The following TSNARE1 variants were observed in gnomAD, a reference collection of about 807,000 sequenced individuals.
The protein encoded by TSNARE1 is t-SNARE domain-containing protein 1.
A neutral mutation model predicts 62.0 loss-of-function variants in TSNARE1; 49 were observed. The ratio of observed to expected loss-of-function variants is 0.79; its 90% CI spans 0.63 to 1.00. TSNARE1 has a LOEUF of 1.00. Among genes scored for constraint, TSNARE1 ranks in the 50% least tolerant of loss-of-function variants. The pLI is 0.00. For synonymous variants in TSNARE1, 328 were observed against 294.4 expected (o/e 1.11, Z -1.17); for missense variants, 755 against 700.1 (o/e 1.08, Z -0.88).
chr8:142,273,290 A>T, intron 12 of TSNARE1: 1 of 985,400 alleles, frequency 1.0e-6, no homozygotes, highest in Non-Finnish European at 1.2e-6. Context: ...AGGAGGGGTC[A>T]TCTTGCTGGC....
intron 10 of TSNARE1, among the ~76,000 whole-genome samples, chr8:142,292,838 C>T (rs545463923): frequency 1.3e-5 from 2 of 152,252 alleles, no homozygotes; most frequent in Admixed American, 6.5e-5. Context: ...CAGACCAACG[C>T]GGGCAGAACA....
intron 12 of TSNARE1, chr8:142,274,295 A>T (rs778649883): frequency 4.1e-6 from 4 of 985,426 alleles, no homozygotes; most frequent in Non-Finnish European, 4.8e-6. Context: ...AGTCAGCAAC[A>T]AGGCCCAGTG....
At chr8:142,283,364 G>T (rs908317740) in intron 11 of TSNARE1, among the ~76,000 whole-genome samples, 7 of 151,140 alleles carry the variant, frequency 4.6e-5, no homozygotes, top group African/African-American at 1.7e-4. Flanking sequence ...GAGCGGAGGT[G>T]GGGCCAGTGT....
intron 1 of TSNARE1, among the ~76,000 whole-genome samples, chr8:142,393,637 G>C (rs1459557442): frequency 6.6e-6 from 1 of 152,206 alleles, no homozygotes; most frequent in East Asian, 1.9e-4. Flanking sequence ...ATTCTCCCTG[G>C]TCTGACTCCC....
At chr8:142,273,175 C>T (rs1819876923) in intron 12 of TSNARE1, 4 of 985,166 alleles carry the variant, frequency 4.1e-6, no homozygotes, top group Admixed American at 6.1e-5. Context: ...CCACTGCCCT[C>T]CTTTCCTCCT....
At chr8:142,344,623 A>G (rs1208491498) in intron 3 of TSNARE1, 151 bp from the exon 4 acceptor site, 1 of 842,742 alleles carries the variant, frequency 1.2e-6, no homozygotes, top group African/African-American at 1.8e-5. Flanking sequence ...CTGGGTGTCC[A>G]GAGACCTGGG....
At chr8:142,241,796 T>A (rs1262060892) in intron 12 of TSNARE1, among the ~76,000 whole-genome samples, 1 of 152,212 alleles carries the variant, frequency 6.6e-6, no homozygotes, top group Non-Finnish European at 1.5e-5. Context: ...AAACCGGGTA[T>A]CTACACACAG....
intron 10 of TSNARE1, among the ~76,000 whole-genome samples, chr8:142,293,766 C>T (rs1165809896): frequency 5.3e-5 from 8 of 152,206 alleles, no homozygotes; most frequent in East Asian, 1.9e-4. Flanking sequence ...GGTGTTCAGA[C>T]GCCACCTGTT....
intron 10 of TSNARE1, among the ~76,000 whole-genome samples, chr8:142,296,989 C>G (rs956214217): frequency 2.0e-5 from 3 of 152,182 alleles, no homozygotes; most frequent in African/African-American, 7.2e-5. Context: ...CCACACGGCC[C>G]GCTACACTCT....
At chr8:142,317,485 CAG>C (rs1318798702) in intron 7 of TSNARE1, among the ~76,000 whole-genome samples, 17 of 152,212 alleles carry the variant, frequency 1.1e-4, no homozygotes, top group African/African-American at 4.1e-4. Flanking sequence ...CAGGTACAGC[CAG>C]AGTCTCACAC....
At chr8:142,275,283 G>A (rs1172513188) in intron 11 of TSNARE1, 143 of 985,324 alleles carry the variant, frequency 1.5e-4, no homozygotes, top group Non-Finnish European at 1.7e-4. Flanking sequence ...GAGTTGCGAC[G>A]CGGCTGATGG....
At chr8:142,223,341 TTCAC>T (rs1201757576) in intron 13 of TSNARE1, among the ~76,000 whole-genome samples, 4 of 118,078 alleles carry the variant, frequency 3.4e-5, no homozygotes, top group Non-Finnish European at 7.2e-5. Context: ...CGTTCACTCA[TTCAC>T]TCATTCACTC....
intron 11 of TSNARE1, among the ~76,000 whole-genome samples, chr8:142,282,825 T>A (rs968519028): frequency 1.5e-5 from 2 of 135,926 alleles, no homozygotes; most frequent in African/African-American, 2.9e-5. Context: ...GACCAGTGTC[T>A]GTCAATGAGT....
chr8:142,346,868 C>T (rs1404145327), intron 2 of TSNARE1, among the ~76,000 whole-genome samples: 5 of 152,234 alleles, frequency 3.3e-5, no homozygotes, highest in African/African-American at 7.2e-5. Flanking sequence ...TCTCAGGATC[C>T]GTCTAGGGGG....
chr8:142,278,535 G>C, intron 11 of TSNARE1: 1 of 985,488 alleles, frequency 1.0e-6, no homozygotes, highest in Non-Finnish European at 1.2e-6. Context: ...CGGCGAAGGA[G>C]CTCCTGGCAC....
chr8:142,343,381 G>A (rs1204576544), intron 4 of TSNARE1, among the ~76,000 whole-genome samples: 2 of 151,816 alleles, frequency 1.3e-5, no homozygotes, highest in African/African-American at 4.8e-5. Context: ...GCAGCAGGAG[G>A]AACATGAGCA....
intron 9 of TSNARE1, among the ~76,000 whole-genome samples, chr8:142,303,082 C>A (rs1302206959): frequency 1.3e-5 from 2 of 152,202 alleles, no homozygotes. Context: ...GCTCACAGGA[C>A]CTGCTCTGCC....
At chr8:142,306,737 A>C (rs924044054) in intron 9 of TSNARE1, among the ~76,000 whole-genome samples, 1 of 152,230 alleles carries the variant, frequency 6.6e-6, no homozygotes, top group Non-Finnish European at 1.5e-5. Flanking sequence ...CTCATCATTT[A>C]TAGTTTGCAA....
At chr8:142,354,797 G>A (rs907763509) in intron 1 of TSNARE1, 34 bp from the exon 2 acceptor site, 13 of 1,255,886 alleles carry the variant, frequency 1.0e-5, no homozygotes, top group Non-Finnish European at 1.5e-5. Context: ...GGGAAGAGGG[G>A]GAAGACATGG....
Sources: allele counts gnomAD v4.1 joint callset (sites outside exome capture counted in the v4.1 genomes callset), GRCh38; gene constraint gnomAD v4.1.1; transcripts MANE v1.5; gene names NCBI Gene and HGNC (gene_info 2026-07-23, HGNC 2026-07-21).